The following POU2AF1 variants were observed in gnomAD, a reference collection of about 807,000 sequenced individuals.
POU2AF1 encodes the protein POU class 2 homeobox associating factor 1.
A neutral mutation model predicts 26.3 loss-of-function variants in POU2AF1; 12 were observed. The ratio of observed to expected loss-of-function variants is 0.46; its 90% CI spans 0.29 to 0.74. POU2AF1 has a LOEUF of 0.74. Among genes scored for constraint, POU2AF1 ranks in the 30% least tolerant of loss-of-function variants. POU2AF1 has a pLI of 0.09. For missense variants in POU2AF1, 297 were observed against 334.5 expected (o/e 0.89, Z 0.87); for synonymous variants, 175 against 148.0 (o/e 1.18, Z -1.32).
At chr11:111,375,197 C>T (rs1861284249) in intron 1 of POU2AF1, among the ~76,000 whole-genome samples, 1 of 152,044 alleles carries the variant, frequency 6.6e-6, no homozygotes, top group South Asian at 2.1e-4. Flanking sequence ...CAAACAACAA[C>T]AATAAAAAGC....
intron 1 of POU2AF1, among the ~76,000 whole-genome samples, chr11:111,369,197 T>G (rs1449131685): frequency 6.6e-6 from 1 of 152,230 alleles, no homozygotes; most frequent in African/African-American, 2.4e-5. Context: ...ACAGCAATCC[T>G]AGACAGGAGA....
At chr11:111,360,734 A>G (rs1001597246) in intron 1 of POU2AF1, among the ~76,000 whole-genome samples, 3 of 152,172 alleles carry the variant, frequency 2.0e-5, no homozygotes, top group African/African-American at 7.2e-5. Context: ...TCACAAGGTC[A>G]GGAGATTAAG....
chr11:111,363,872 A>G (rs1861056484), intron 1 of POU2AF1: 1 of 985,406 alleles, frequency 1.0e-6, no homozygotes, highest in Non-Finnish European at 1.2e-6. Flanking sequence ...AGTCTCCCGT[A>G]GGTATCCAAG....
chr11:111,373,470 T>C (rs1861250447), intron 1 of POU2AF1, among the ~76,000 whole-genome samples: 1 of 152,244 alleles, frequency 6.6e-6, no homozygotes, highest in Non-Finnish European at 1.5e-5. Flanking sequence ...AGCCAAGGTA[T>C]AAAAACACTG....
At chr11:111,359,565 G>T (rs1428955594) in intron 1 of POU2AF1, among the ~76,000 whole-genome samples, 3 of 152,178 alleles carry the variant, frequency 2.0e-5, no homozygotes, top group African/African-American at 7.2e-5. Context: ...AAACCTCTCT[G>T]TGCCTCTTAA....
intron 1 of POU2AF1, among the ~76,000 whole-genome samples, chr11:111,370,059 T>A (rs1214499780): frequency 6.6e-6 from 1 of 152,196 alleles, no homozygotes; most frequent in East Asian, 1.9e-4. Flanking sequence ...CAGCATTAGT[T>A]TTGTATTTGG....
intron 1 of POU2AF1, among the ~76,000 whole-genome samples, 161 bp downstream of exon 1, chr11:111,379,001 C>T (rs1331369917): frequency 6.8e-6 from 1 of 146,818 alleles, no homozygotes; most frequent in Admixed American, 6.7e-5. Flanking sequence ...GGCTCCATCC[C>T]GCCCACCTCC....
chr11:111,358,014 G>A (rs1227674773), intron 2 of POU2AF1, among the ~76,000 whole-genome samples, 177 bp from the exon 3 acceptor site: 1 of 152,078 alleles, frequency 6.6e-6, no homozygotes, highest in Non-Finnish European at 1.5e-5. Flanking sequence ...AGAGATTTGC[G>A]TTTCTATTTA....
chr11:111,354,238 C>A lies in POU2AF1; in HGVS notation c.*23G>T, dbSNP rs767549504. On this transcript the variant is annotated 3_prime_UTR_variant, in exon 5 of 5. Coordinates refer to ENST00000393067, the MANE Select transcript of POU2AF1 (RefSeq NM_006235.3). ...ATTTTAAAATCCCAGTTTCAGGGAA[C>A]AGGACTCAGGTGGGAGCCACGCCTA... 6.2e-7 allele frequency: 1 copy of A among 1,610,154 alleles called. No individual in the cohort carries two copies. Among genetic ancestry groups the A allele is most frequent in the South Asian group, 1.1e-5 (1 of 90,330 alleles).
chr11:111,354,008 G>A lies in POU2AF1; in HGVS notation c.*253C>T, dbSNP rs1860789560. On this transcript the variant is annotated 3_prime_UTR_variant, in exon 5 of 5. Coordinates refer to ENST00000393067, the MANE Select transcript of POU2AF1 (RefSeq NM_006235.3). ...AAGGGAAGGAGGGAAGGAAGGGAGG[G>A]AGGAAAAGGAAGGAAGGGGTTGGAA... 2.5e-6 allele frequency: 1 copy of A among 400,726 alleles called. No homozygotes were observed. Among genetic ancestry groups the A allele is most frequent in the Non-Finnish European group, 4.3e-6 (1 of 230,880 alleles). 24.8% of individuals were successfully genotyped at this position (400,726 alleles called of 1,614,324 possible).
At chr11:111,356,969 C>T (rs1860858108) in intron 4 of POU2AF1, among the ~76,000 whole-genome samples, 1 of 152,230 alleles carries the variant, frequency 6.6e-6, no homozygotes, top group South Asian at 2.1e-4. Flanking sequence ...TTACCCCACA[C>T]GTGGGTCTGA....
intron 1 of POU2AF1, among the ~76,000 whole-genome samples, chr11:111,377,103 G>C (rs1861322543): frequency 6.6e-6 from 1 of 151,948 alleles, no homozygotes; most frequent in South Asian, 2.1e-4. Context: ...AAATTTGGGG[G>C]ACAGGTGCAG....
Position 111,362,198 on chromosome 11 carries a change from T to C in POU2AF1, c.17-3280A>G, listed in dbSNP as rs1861023526. 2.6e-5 allele frequency among the ~76,000 whole-genome samples: 4 copies of C among 152,228 alleles called. No homozygotes were observed. In the South Asian group the frequency reaches 8.3e-4, roughly 32 times the overall value. ...AATCTTTATGAGTACATAGTCAGTG[T>C]ATATATTTATGGGGTACACAAGATA... On this transcript the variant is annotated intron_variant, in intron 1 of 4. Coordinates refer to ENST00000393067, the MANE Select transcript of POU2AF1 (RefSeq NM_006235.3).
chr11:111,359,446 T>C (rs1157375007), intron 1 of POU2AF1: 1 of 183,168 alleles, frequency 5.5e-6, no homozygotes, highest in Non-Finnish European at 1.2e-5. Flanking sequence ...GTATTCATCA[T>C]AGGTGGCAGT....
chr11:111,360,801 A>G (rs1860991644), intron 1 of POU2AF1, among the ~76,000 whole-genome samples: 1 of 152,070 alleles, frequency 6.6e-6, no homozygotes, highest in Non-Finnish European at 1.5e-5. Flanking sequence ...AAAATTAGCC[A>G]GATGTGGTGG....
chr11:111,370,916 A>C (rs1217146040), intron 1 of POU2AF1, among the ~76,000 whole-genome samples: 2 of 152,204 alleles, frequency 1.3e-5, no homozygotes, highest in African/African-American at 2.4e-5. Flanking sequence ...TCTAGCTGGA[A>C]ATAATTCCAT....
chr11:111,373,801 A>G (rs1165245972), intron 1 of POU2AF1, among the ~76,000 whole-genome samples: 1 of 152,204 alleles, frequency 6.6e-6, no homozygotes. Flanking sequence ...GGTTTCAGAG[A>G]AGGCCTCCCC....
intron 4 of POU2AF1, among the ~76,000 whole-genome samples, chr11:111,355,079 G>A (rs959996007): frequency 6.6e-6 from 1 of 152,194 alleles, no homozygotes; most frequent in South Asian, 2.1e-4. Flanking sequence ...CAGCTTTGGA[G>A]GTCCCCTTGG....
At position 111,354,259 on chromosome 11, in the gene POU2AF1, G is replaced by A. The variant is rs1224056135; in HGVS notation, c.*2C>T. On this transcript the variant is annotated 3_prime_UTR_variant, in exon 5 of 5. Coordinates refer to ENST00000393067, the MANE Select transcript of POU2AF1 (RefSeq NM_006235.3). ...GGAACAGGACTCAGGTGGGAGCCAC[G>A]CCTAAAAGCCTTCCACAGAGAGAGT... 1.4e-5 allele frequency: 22 copies of A among 1,613,694 alleles called. No individual in the cohort carries two copies. The highest frequency in any genetic ancestry group is 1.1e-4 in the East Asian group (5 of 44,892).
Sources: allele counts gnomAD v4.1 joint callset (sites outside exome capture counted in the v4.1 genomes callset), GRCh38; gene constraint gnomAD v4.1.1; transcripts MANE v1.5; gene names NCBI Gene and HGNC (gene_info 2026-07-23, HGNC 2026-07-21).